Variants in XPO5 observed in about 807,000 individuals in gnomAD.
XPO5 encodes exportin 5, also known as exportin-5.
Under a neutral mutation model 160.6 loss-of-function variants are expected in XPO5, and 46 were observed. The ratio of observed to expected loss-of-function variants is 0.29; its 90% CI spans 0.23 to 0.37. XPO5 has a LOEUF of 0.37. XPO5 is among the 10% of genes least tolerant of loss of function. XPO5 has a pLI of 1.00. For synonymous variants in XPO5, 537 were observed against 519.3 expected, an observed-to-expected ratio of 1.03 and a Z score of -0.46; for missense variants, 1,090 against 1,463.9, an observed-to-expected ratio of 0.74 and a Z score of 4.17.
intron 24 of XPO5, 57 bp from the exon 25 acceptor site, chr6:43,528,262 A>G (rs1582196392): frequency 1.1e-5 from 16 of 1,514,440 alleles, no homozygotes; most frequent in Non-Finnish European, 1.4e-5. Context: ...GGAACACATA[A>G]TATCTAAAGT....
chr6:43,549,493 A>G lies in XPO5; in HGVS notation c.1856T>C (p.Val619Ala). The G allele has an allele frequency of 1.9e-6, 3 of 1,610,018 alleles. No homozygotes were observed. The highest frequency in any genetic ancestry group is 1.7e-6 in the Non-Finnish European group (2 of 1,178,480). Residue 619 changes from valine (V) to alanine (A), a missense_variant, in exon 17 of 32, where the codon GTG (valine) becomes GCG (alanine). Physicochemically the swap from Val to Ala is moderately conservative, Grantham distance 64. Transcript: ENST00000265351. ...AGCCAGGGTCCAGCAGCTTACCAGC[A>G]CAAGCTGGGGGTAGTCACGACACAT... ...IKMCRDYPQL[V>A]LPNFDMLYNH...
At position 43,565,734 on chromosome 6, in the gene XPO5, G is replaced by A; in HGVS notation, c.837C>T (p.Gly279=). The change falls in exon 8 of 32, where the codon GGC becomes GGT. Residue 279 remains glycine, a splice_region_variant and synonymous_variant. Coordinates refer to ENST00000265351, the MANE Select transcript of XPO5 (RefSeq NM_020750.3). ...ECLLIAVSRK[G]KLEDRKPLMV... ...TCAAGGGCTTCCGGTCTTCCAACTT[G>A]CCCTAGACCCAATTTTAGGGAAACA... 1 of 1,604,184 alleles carries A rather than the reference G, an allele frequency of 6.2e-7. No homozygotes were observed. Among genetic ancestry groups the A allele is most frequent in the Non-Finnish European group, 8.5e-7 (1 of 1,175,812 alleles).
chr6:43,524,971 G>T lies in XPO5; in HGVS notation c.3175-3C>A. The T allele has an allele frequency of 6.2e-7, 1 of 1,612,576 alleles. No homozygotes were observed. Among genetic ancestry groups the T allele is most frequent in the Non-Finnish European group, 8.5e-7 (1 of 1,179,588 alleles). The stretch of plus-strand genomic sequence containing the variant: ...GCGAGCAGTGTCCCTGACAGCACCT[G>T]GGGAGACAACTGTGCTTTAGGGCCA... On this transcript the variant is annotated splice_region_variant and splice_polypyrimidine_tract_variant and intron_variant, in intron 29 of 31. Coordinates refer to ENST00000265351, the MANE Select transcript of XPO5 (RefSeq NM_020750.3).
intron 23 of XPO5, chr6:43,529,357 A>G (rs759386907): frequency 7.0e-6 from 3 of 426,280 alleles, no homozygotes; most frequent in South Asian, 1.7e-5. Flanking sequence ...CCTGGCTAAC[A>G]TGGTGAAACC....
In XPO5 at chr6:43,570,690, C is replaced by A; in HGVS notation, c.439-6G>T. 1 of 1,595,178 alleles carries A rather than the reference C, an allele frequency of 6.3e-7. No homozygotes were observed. Among genetic ancestry groups the A allele is most frequent in the Non-Finnish European group, 8.5e-7 (1 of 1,172,148 alleles). On this transcript the variant is annotated splice_polypyrimidine_tract_variant and splice_region_variant and intron_variant, in intron 4 of 31. Coordinates refer to ENST00000265351, the MANE Select transcript of XPO5 (RefSeq NM_020750.3). ...ACCAATTCTGTCTGTGTTTCCTACA[C>A]CAATAGAAATAAGCTAGTTAAAAAC...
chr6:43,544,506 C>T (rs1437797985), intron 20 of XPO5, among the ~76,000 whole-genome samples: 1 of 152,190 alleles, frequency 6.6e-6, no homozygotes, highest in Non-Finnish European at 1.5e-5. Context: ...CCTGTTTCCA[C>T]GTCTGGGTTG....
chr6:43,568,467 A>G (rs901774399), intron 6 of XPO5, among the ~76,000 whole-genome samples: 1 of 152,084 alleles, frequency 6.6e-6, no homozygotes, highest in African/African-American at 2.4e-5. Context: ...TTAGCTGGGC[A>G]TGGTGGTGCG....
chr6:43,564,670 A>G (rs975625083), intron 8 of XPO5, among the ~76,000 whole-genome samples: 1 of 151,988 alleles, frequency 6.6e-6, no homozygotes, highest in African/African-American at 2.4e-5. Context: ...TGGCATGATC[A>G]TGGTTCACGA....
Position 43,526,673 on chromosome 6 carries a change from AG to A in XPO5, c.2983+11del. The A allele has an allele frequency of 6.2e-7, 1 of 1,613,764 alleles. No individual in the cohort carries two copies. The highest frequency in any genetic ancestry group is 8.5e-7 in the Non-Finnish European group (1 of 1,179,782). On this transcript the variant is annotated intron_variant, in intron 27 of 31. Coordinates refer to ENST00000265351, the MANE Select transcript of XPO5 (RefSeq NM_020750.3). The stretch of plus-strand genomic sequence containing the variant: ...TAAGAGCAGAACTCCAAGGTCTCAC[AG>A]GCTCACTTACCGTCTCCATCTGCTG...
chr6:43,560,264 A>G lies in XPO5; in HGVS notation c.1135T>C (p.Phe379Leu). The G allele has an allele frequency of 6.2e-7, 1 of 1,612,326 alleles. No homozygotes were observed. The highest frequency in any genetic ancestry group is 8.5e-7 in the Non-Finnish European group (1 of 1,179,134). The change falls in exon 11 of 32, where the codon TTC (phenylalanine) becomes CTC (leucine). Residue 379 changes from phenylalanine (F) to leucine (L), a missense_variant. Physicochemically the swap from Phe to Leu is conservative, Grantham distance 22 (BLOSUM62 0). Transcript: ENST00000265351. The part of the protein sequence containing the change: ...SSTQMTWGAL[F>L]RHEILSRDPL... ...TCACGGGACAGGATTTCATGCCTGA[A>G]GAGGGCTCCCCAAGTCATCTGAGTT...
intron 20 of XPO5, chr6:43,539,586 G>A (rs542841051): frequency 4.8e-5 from 66 of 1,366,676 alleles, no homozygotes; most frequent in African/African-American, 4.4e-4. Flanking sequence ...CCCGGTCCAC[G>A]GCTGCGACCC....
intron 23 of XPO5, 67 bp downstream of exon 23, chr6:43,530,621 G>C (rs1220412865): frequency 6.4e-7 from 1 of 1,554,428 alleles, no homozygotes; most frequent in Non-Finnish European, 8.7e-7. Context: ...TGGTTGCTGT[G>C]ACCTGTTTTG....
At position 43,530,844 on chromosome 6, in the gene XPO5, A is replaced by G; in HGVS notation, c.2541-20T>C. On this transcript the variant is annotated intron_variant, in intron 22 of 31. Coordinates refer to ENST00000265351, the MANE Select transcript of XPO5 (RefSeq NM_020750.3). ...TGAAAACTGTAAAGGGGAAAAAAAG[A>G]GCATTGAAAATGACAAATCCAACAT... The G allele has an allele frequency of 6.3e-7, 1 of 1,598,858 alleles. No individual in the cohort carries two copies.
At chr6:43,551,481 C>A (rs746570607) in intron 14 of XPO5, 28 bp from the exon 15 acceptor site, 1 of 1,604,256 alleles carries the variant, frequency 6.2e-7, no homozygotes, top group South Asian at 1.1e-5. Context: ...AACAGGTTGA[C>A]AATGGCTGCC....
At chr6:43,532,440 C>T (rs1206264284) in intron 21 of XPO5, among the ~76,000 whole-genome samples, 2 of 152,160 alleles carry the variant, frequency 1.3e-5, no homozygotes, top group Non-Finnish European at 2.9e-5. Context: ...GGTGAGCCAG[C>T]CTGAAGCTTC....
chr6:43,532,511 C>T (rs570183308), intron 21 of XPO5, among the ~76,000 whole-genome samples: 1 of 152,324 alleles, frequency 6.6e-6, no homozygotes, highest in South Asian at 2.1e-4. Context: ...CCCACATTCC[C>T]AGACTAGCTC....
chr6:43,551,059 T>C (rs1244116830), intron 15 of XPO5: 6 of 332,258 alleles, frequency 1.8e-5, no homozygotes, highest in African/African-American at 8.5e-5. Context: ...GCTGTGTTTA[T>C]TAGTTTGCCT....
In XPO5 at chr6:43,550,312, C is replaced by A. The variant is rs145558841; in HGVS notation, c.1729-378G>T. Among the ~76,000 whole-genome samples, 7 of 152,266 alleles carry A rather than the reference C, an allele frequency of 4.6e-5. No homozygotes were observed. The Middle Eastern group carries it at 0.017, about 370-fold the overall frequency. ...CATTCCAATGAAATATGGCTGCTTA[C>A]TTGGCCACTATTATGGAATTAAACT... On this transcript the variant is annotated intron_variant, in intron 15 of 31. Transcript: ENST00000265351.
intron 20 of XPO5, among the ~76,000 whole-genome samples, chr6:43,537,125 C>T (rs1018905434): frequency 4.1e-5 from 6 of 148,064 alleles, no homozygotes; most frequent in Non-Finnish European, 5.9e-5. Flanking sequence ...CACCACCACA[C>T]GTGAATAATT....
Sources: allele counts gnomAD v4.1 joint callset (sites outside exome capture counted in the v4.1 genomes callset), GRCh38; gene constraint gnomAD v4.1.1; transcripts MANE v1.5; gene names NCBI Gene and HGNC (gene_info 2026-07-23, HGNC 2026-07-21).